The following CSPP1 variants were observed in gnomAD, a reference collection of about 807,000 sequenced individuals.
CSPP1 encodes the protein centrosome and spindle pole-associated protein 1.
A neutral mutation model predicts 164.4 loss-of-function variants in CSPP1; 126 were observed. The observed-to-expected ratio is 0.77, with a 90% CI of 0.66 to 0.89. The LOEUF (loss-of-function observed/expected upper bound fraction) is 0.89, where lower values mean the gene tolerates loss of function less well. Among genes scored for constraint, CSPP1 ranks in the 40% least tolerant of loss-of-function variants. CSPP1 has a pLI of 0.00. For synonymous variants in CSPP1, 472 were observed against 476.7 expected, an observed-to-expected ratio of 0.99 and a Z score of 0.13; for missense variants, 1,395 against 1,449.8, an observed-to-expected ratio of 0.96 and a Z score of 0.61.
intron 19 of CSPP1, among the ~76,000 whole-genome samples, chr8:67,154,661 T>A (rs1225411817): frequency 6.6e-6 from 1 of 152,048 alleles, no homozygotes; most frequent in African/African-American, 2.4e-5. Flanking sequence ...CCGCCACACC[T>A]GACCAATTTT....
intron 28 of CSPP1, among the ~76,000 whole-genome samples, chr8:67,189,318 AC>A (rs1563794624): frequency 6.6e-6 from 1 of 152,230 alleles, no homozygotes; most frequent in Non-Finnish European, 1.5e-5. Flanking sequence ...GCACACAGAT[AC>A]TTATAGCACC....
intron 9 of CSPP1, among the ~76,000 whole-genome samples, chr8:67,111,603 G>A (rs1306779177): frequency 6.6e-6 from 1 of 152,190 alleles, no homozygotes; most frequent in Non-Finnish European, 1.5e-5. Flanking sequence ...GGGGCAGTTG[G>A]TTTTGAGATG....
intron 28 of CSPP1, among the ~76,000 whole-genome samples, chr8:67,189,462 G>T (rs971768141): frequency 2.1e-4 from 32 of 152,154 alleles, no homozygotes; most frequent in African/African-American, 7.2e-4. Flanking sequence ...CCATGAAAAG[G>T]CATGGAAGGA....
chr8:67,117,663 T>TACTC (rs1257960650), intron 13 of CSPP1, among the ~76,000 whole-genome samples: 1 of 152,220 alleles, frequency 6.6e-6, no homozygotes, highest in African/African-American at 2.4e-5. Context: ...GAACCATTTG[T>TACTC]ACTCACACTG....
intron 23 of CSPP1, among the ~76,000 whole-genome samples, chr8:67,164,132 T>C (rs559782385): frequency 2.4e-4 from 36 of 152,366 alleles, no homozygotes; most frequent in African/African-American, 8.4e-4. Flanking sequence ...AGGAACTTCC[T>C]TGGGCCTCTC....
intron 28 of CSPP1, among the ~76,000 whole-genome samples, chr8:67,185,140 C>A (rs982844247): frequency 2.7e-5 from 4 of 149,680 alleles, no homozygotes; most frequent in South Asian, 2.1e-4. Context: ...AACAAACAAA[C>A]AAAAAACACA....
At chr8:67,163,348 T>C (rs1244597474) in intron 22 of CSPP1, among the ~76,000 whole-genome samples, 1 of 152,134 alleles carries the variant, frequency 6.6e-6, no homozygotes, top group Non-Finnish European at 1.5e-5. Context: ...GTAAAATTTT[T>C]TTTTAAGAAA....
At chr8:67,128,094 A>G (rs1272987678) in intron 15 of CSPP1, among the ~76,000 whole-genome samples, 2 of 152,178 alleles carry the variant, frequency 1.3e-5, no homozygotes, top group African/African-American at 2.4e-5. Flanking sequence ...GTGTTATTAT[A>G]TTTCTAGGGT....
chr8:67,122,370 A>G (rs1819145093), intron 15 of CSPP1, among the ~76,000 whole-genome samples: 1 of 152,152 alleles, frequency 6.6e-6, no homozygotes, highest in African/African-American at 2.4e-5. Flanking sequence ...TATACTTACA[A>G]CTATAAGCTT....
chr8:67,168,015 C>T (rs550526008), intron 24 of CSPP1, among the ~76,000 whole-genome samples: 40 of 152,334 alleles, frequency 2.6e-4, no homozygotes, highest in African/African-American at 8.9e-4. Flanking sequence ...ACATTGAGCA[C>T]TGAGTGAACG....
intron 16 of CSPP1, among the ~76,000 whole-genome samples, chr8:67,133,055 C>T (rs1318384275): frequency 6.6e-6 from 1 of 152,158 alleles, no homozygotes; most frequent in Non-Finnish European, 1.5e-5. Context: ...AAATAAAAGA[C>T]TGAATTTTAA....
At chr8:67,128,583 A>G (rs1314152962) in intron 15 of CSPP1, among the ~76,000 whole-genome samples, 1 of 151,890 alleles carries the variant, frequency 6.6e-6, no homozygotes, top group Non-Finnish European at 1.5e-5. Context: ...AGTCTTAAAC[A>G]GGCTAATACA....
chr8:67,174,731 C>G (rs1228462130), intron 25 of CSPP1: 1 of 152,634 alleles, frequency 6.6e-6, no homozygotes, highest in Non-Finnish European at 1.4e-5. Flanking sequence ...TGCCACTGCA[C>G]TCCAGCCTGG....
In CSPP1 at chr8:67,112,017, G is replaced by T; in HGVS notation, c.1139G>T (p.Arg380Ile). 1 of 1,612,558 alleles carries T rather than the reference G, an allele frequency of 6.2e-7. No individual in the cohort carries two copies. Among genetic ancestry groups the T allele is most frequent in the South Asian group, 1.1e-5 (1 of 90,936 alleles). ...ATTCAGAGAAGGAAAGAGAAATACA[G>T]ACTAGAACTGTTGGAACAAATGGCT... ...ELIQRRKEKY[R>I]LELLEQMAEQ... Residue 380 changes from arginine to isoleucine, a missense_variant, in exon 10 of 31, where the codon AGA becomes ATA. Coordinates refer to ENST00000678616, the MANE Select transcript of CSPP1 (RefSeq NM_001382391.1).
At chr8:67,179,732 T>A (rs941669076) in intron 27 of CSPP1, 131 bp from the exon 28 acceptor site, 23 of 613,908 alleles carry the variant, frequency 3.7e-5, no homozygotes, top group Middle Eastern at 5.2e-4. Flanking sequence ...TGGAATGTAG[T>A]CAGTCCTACC....
chr8:67,142,963 C>G (rs1362093291), intron 17 of CSPP1, among the ~76,000 whole-genome samples: 2 of 152,110 alleles, frequency 1.3e-5, no homozygotes, highest in African/African-American at 4.8e-5. Context: ...CACCTTGTTT[C>G]CCCTGACGTT....
In CSPP1 at chr8:67,195,500, T is replaced by C. The variant is rs2129576668; in HGVS notation, c.3588T>C (p.Arg1196=). The stretch of plus-strand genomic sequence containing the variant: ...CTGGCACTTCAGAAACGCTGAAACG[T>C]TTCATGGCAGAGCAGCTGAACCAGG... ...LRPGTSETLK[R]FMAEQLNQEQ... is the part of the protein sequence containing the mutation. Residue 1196 remains arginine (R), a synonymous_variant, in exon 31 of 31, where the codon CGT becomes CGC. Coordinates refer to ENST00000678616, the MANE Select transcript of CSPP1 (RefSeq NM_001382391.1). 1 of 1,614,166 alleles carries C rather than the reference T, an allele frequency of 6.2e-7. No individual in the cohort carries two copies. The highest frequency in any genetic ancestry group is 8.5e-7 in the Non-Finnish European group (1 of 1,180,018).
At chr8:67,075,545 T>C (rs766866346) in intron 2 of CSPP1, among the ~76,000 whole-genome samples, 16 of 152,232 alleles carry the variant, frequency 1.1e-4, no homozygotes, top group Admixed American at 3.9e-4. Context: ...AGTGCTGTTA[T>C]TGTAATTTTC....
intron 15 of CSPP1, among the ~76,000 whole-genome samples, chr8:67,124,101 G>A (rs1409407569): frequency 2.0e-5 from 3 of 149,836 alleles, no homozygotes; most frequent in African/African-American, 4.9e-5. Context: ...GGGTTTCACC[G>A]CGTTAGCCAG....
Sources: allele counts gnomAD v4.1 joint callset (sites outside exome capture counted in the v4.1 genomes callset), GRCh38; gene constraint gnomAD v4.1.1; transcripts MANE v1.5; gene names NCBI Gene and HGNC (gene_info 2026-07-23, HGNC 2026-07-21).